The following ANP32B variants were observed in gnomAD, a reference collection of about 807,000 sequenced individuals.
ANP32B encodes the protein acidic nuclear phosphoprotein 32 family member B.
A neutral mutation model predicts 32.2 loss-of-function variants in ANP32B; 6 were observed. The ratio of observed to expected loss-of-function variants is 0.19; its 90% confidence interval spans 0.10 to 0.37. The LOEUF (loss-of-function observed/expected upper bound fraction) is 0.37. Ranked by LOEUF, ANP32B falls within the 10% of genes least tolerant of loss-of-function variation. The probability of loss-of-function intolerance (pLI) is 1.00; values close to 1 mark genes in which losing one functional copy is unlikely to be tolerated. For synonymous variants in ANP32B, 98 were observed against 105.8 expected, an observed-to-expected ratio of 0.93 and a Z score of 0.45; for missense variants, 204 against 289.2, an observed-to-expected ratio of 0.71 and a Z score of 2.14.
intron 4 of ANP32B, among the ~76,000 whole-genome samples, chr9:98,008,556 G>A (rs1360714951): frequency 1.3e-5 from 2 of 152,172 alleles, no homozygotes; most frequent in South Asian, 2.1e-4. Flanking sequence ...GATTAAAGTC[G>A]AGGTGGAATA....
intron 6 of ANP32B, among the ~76,000 whole-genome samples, chr9:98,013,855 C>CAA (rs879719430): frequency 3.6e-5 from 5 of 140,830 alleles, no homozygotes; most frequent in Admixed American, 7.1e-5. Context: ...GACTCTGTCT[C>CAA]AAAAAAAAAA....
chr9:97,995,993 GCTTT>G (rs1827899623), intron 2 of ANP32B, among the ~76,000 whole-genome samples: 1 of 145,452 alleles, frequency 6.9e-6, no homozygotes, highest in African/African-American at 2.5e-5. Flanking sequence ...TTTTTGTTTT[GCTTT>G]CTTTATTTGC....
At chr9:98,007,059 C>A (rs933237146) in intron 4 of ANP32B, among the ~76,000 whole-genome samples, 14 of 151,900 alleles carry the variant, frequency 9.2e-5, no homozygotes, top group African/African-American at 2.9e-4. Context: ...AAAAGACAAG[C>A]CTTTGGAGTT....
chr9:98,015,310 A>G (rs1828256112), intron 6 of ANP32B, 54 bp from the exon 7 acceptor site: 1 of 1,543,496 alleles, frequency 6.5e-7, no homozygotes, highest in South Asian at 1.2e-5. Context: ...ATTGGCAATA[A>G]TCTAAGCAAA....
intron 4 of ANP32B, among the ~76,000 whole-genome samples, chr9:98,010,278 T>G (rs1215723941): frequency 6.6e-6 from 1 of 150,424 alleles, no homozygotes; most frequent in Non-Finnish European, 1.5e-5. Flanking sequence ...TTTTTTTTGT[T>G]TTTTTTTTTT....
intron 4 of ANP32B, among the ~76,000 whole-genome samples, chr9:98,007,752 A>G (rs1216418334): frequency 6.6e-6 from 1 of 152,178 alleles, no homozygotes; most frequent in African/African-American, 2.4e-5. Context: ...CTAGCTGACA[A>G]ATGTCACCTG....
At chr9:98,011,463 A>T in intron 5 of ANP32B, 74 bp downstream of exon 5, 1 of 1,523,194 alleles carries the variant, frequency 6.6e-7, no homozygotes, top group East Asian at 2.3e-5. Context: ...AAAGATGACA[A>T]AAGAAAAGAA....
intron 6 of ANP32B, among the ~76,000 whole-genome samples, chr9:98,013,902 C>A (rs950318343): frequency 2.6e-5 from 4 of 152,022 alleles, no homozygotes; most frequent in African/African-American, 9.7e-5. Context: ...CACCTATAGT[C>A]CCAGCTACTT....
chr9:98,000,302 C>A (rs2131586588), intron 3 of ANP32B, among the ~76,000 whole-genome samples: 1 of 152,246 alleles, frequency 6.6e-6, no homozygotes, highest in Admixed American at 6.5e-5. Context: ...TTTTACATTT[C>A]TTTAAGTTGT....
intron 1 of ANP32B, among the ~76,000 whole-genome samples, chr9:97,991,179 G>A (rs971376956): frequency 2.7e-5 from 4 of 150,890 alleles, no homozygotes; most frequent in Non-Finnish European, 5.9e-5. Flanking sequence ...ATAGTGGCAT[G>A]ATAATGGCTC....
chr9:98,012,635 TG>T (rs2131593216), intron 6 of ANP32B, among the ~76,000 whole-genome samples, 163 bp downstream of exon 6: 1 of 152,376 alleles, frequency 6.6e-6, no homozygotes, highest in East Asian at 1.9e-4. Context: ...GTGTCTGTGC[TG>T]GTGCAGGCTC....
rs1026888377 is a variant in ANP32B, at chr9:97,996,526, G to T, written c.204+1746G>T. 2.6e-5 allele frequency among the ~76,000 whole-genome samples: 4 copies of T among 152,116 alleles called. No individual in the cohort carries two copies. In the East Asian group the frequency reaches 7.7e-4, roughly 29 times the overall value. ...TAATGAGAGGGAATCATACTTAAAG[G>T]CAGGTTGAGTGTACTCATGATTGAT... On this transcript the variant is annotated intron_variant, in intron 2 of 6. Coordinates refer to ENST00000339399, the MANE Select transcript of ANP32B (RefSeq NM_006401.3).
At chr9:98,002,703 CA>C (rs1209351636) in intron 3 of ANP32B, among the ~76,000 whole-genome samples, 2 of 151,962 alleles carry the variant, frequency 1.3e-5, no homozygotes, top group African/African-American at 4.8e-5. Flanking sequence ...AGGAAGTAGC[CA>C]AAAATCTCAC....
At position 97,994,804 on chromosome 9, in the gene ANP32B, A is replaced by G. The variant is rs759034393; in HGVS notation, c.204+24A>G. ...AGGTAAGTGCTTTTTCTTTAACAGT[A>G]AAAGAGAACGATCCTGGGAAGGGAA... is the stretch of plus-strand genomic sequence containing the variant. On this transcript the variant is annotated intron_variant, in intron 2 of 6. Transcript: ENST00000339399. 1.8e-5 allele frequency: 28 copies of G among 1,570,126 alleles called. 1 individual carries two copies. The South Asian group carries it at 3.1e-4, about 17-fold the overall frequency.
chr9:98,003,818 A>C (rs917827548), intron 3 of ANP32B, among the ~76,000 whole-genome samples: 2 of 152,246 alleles, frequency 1.3e-5, no homozygotes, highest in African/African-American at 4.8e-5. Flanking sequence ...AGAATACCGA[A>C]GTTTTTCTCT....
chr9:98,002,591 A>G (rs1433159098), intron 3 of ANP32B, among the ~76,000 whole-genome samples: 1 of 152,182 alleles, frequency 6.6e-6, no homozygotes, highest in African/African-American at 2.4e-5. Context: ...GCAGTTCCAG[A>G]GTACTACAGT....
intron 1 of ANP32B, among the ~76,000 whole-genome samples, chr9:97,992,951 C>T (rs981691368): frequency 2.6e-5 from 4 of 152,154 alleles, no homozygotes; most frequent in African/African-American, 9.7e-5. Context: ...TTAAGTGACT[C>T]GCACAAGGTC....
At chr9:97,992,097 C>G (rs1375295407) in intron 1 of ANP32B, among the ~76,000 whole-genome samples, 1 of 151,058 alleles carries the variant, frequency 6.6e-6, no homozygotes, top group South Asian at 2.1e-4. Flanking sequence ...CTTTTTTTTT[C>G]TTTTTCTTTT....
In ANP32B at chr9:97,983,450, C is replaced by T. The variant is rs943455416; in HGVS notation, c.-106C>T. 7.4e-6 allele frequency: 8 copies of T among 1,081,856 alleles called. No individual in the cohort carries two copies. In the East Asian group the frequency reaches 8.7e-5, roughly 12 times the overall value. 67.0% of individuals were successfully genotyped at this position (1,081,856 alleles called of 1,614,324 possible). ...CCAGGACCGCGCCGCCGGCCTCCGC[C>T]GCTAGCAAACCCTTCCGACGGCCCT... On this transcript the variant is annotated 5_prime_UTR_variant, in exon 1 of 7. Transcript: ENST00000339399.
Sources: gnomAD v4.1 joint callset for allele counts (sites outside exome capture counted in the v4.1 genomes callset) on GRCh38, gnomAD v4.1.1 for gene constraint, MANE v1.5 for transcripts, NCBI Gene and HGNC (gene_info 2026-07-23, HGNC 2026-07-21) for gene names.